The following CKAP5 variants were observed in gnomAD, a reference collection of about 807,000 sequenced individuals.
CKAP5 encodes the protein cytoskeleton associated protein 5.
A neutral mutation model predicts 232.8 loss-of-function variants in CKAP5; 27 were observed. The observed-to-expected ratio is 0.12, with a 90% confidence interval of 0.09 to 0.16. CKAP5 has a LOEUF of 0.16. Among genes scored for constraint, CKAP5 ranks in the 10% least tolerant of loss-of-function variants. The pLI is 1.00. For synonymous variants in CKAP5, 785 were observed against 841.1 expected (o/e 0.93, Z 1.16); for missense variants, 1,838 against 2,424.7 (o/e 0.76, Z 5.08).
rs533842096 is a variant in CKAP5 at position 46,789,624 on chromosome 11, A to G, written c.1875+452T>C. ...ATCCTGGCTAACATGGTGAAACCCC[A>G]TCTCTACTAAAAATCCAAAAAATTA... is the stretch of plus-strand genomic sequence containing the variant. On this transcript the variant is annotated intron_variant, in intron 15 of 43. Coordinates refer to ENST00000529230, the MANE Select transcript of CKAP5 (RefSeq NM_001008938.4). Among the ~76,000 whole-genome samples the G allele has an allele frequency of 2.8e-3, 421 of 151,896 alleles. 2 individuals carry two copies. Among genetic ancestry groups the G allele is most frequent in the African/African-American group, 9.6e-3 (399 of 41,414 alleles).
In CKAP5 at chr11:46,795,755, C is replaced by T. The variant is rs371037159; in HGVS notation, c.1489G>A (p.Val497Ile). 2 of 1,613,588 alleles carry T rather than the reference C, an allele frequency of 1.2e-6. No individual in the cohort carries two copies. Among genetic ancestry groups the T allele is most frequent in the East Asian group, 2.2e-5 (1 of 44,876 alleles). Reference sequence around the variant, plus strand: ...GCTTTCTTACCATGTATCAGTTCTACCTTTTCTGAACATTCTTTGATCTGG... The same window carrying T: ...GCTTTCTTACCATGTATCAGTTCTATCTTTTCTGAACATTCTTTGATCTGG... Reference protein sequence around the residue: ...LDKIKECSEKVELIHGKKAGL... With the variant: ...LDKIKECSEKIELIHGKKAGL... Residue 497 changes from valine (V) to isoleucine (I), a missense_variant, in exon 13 of 44, where the codon GTA (valine) becomes ATA (isoleucine). Around this residue, in one of 6 missense-constraint regions of CKAP5, gnomAD observed 767 missense variants for 954.6 expected, o/e 0.80. Transcript: ENST00000529230.
intron 29 of CKAP5, 125 bp downstream of exon 29, chr11:46,763,356 A>T: frequency 1.0e-6 from 1 of 1,004,810 alleles, no homozygotes; most frequent in Admixed American, 3.0e-5. Context: ...AAATAACAAG[A>T]CAGCTCTAAA....
intron 1 of CKAP5, chr11:46,826,841 C>G (rs1939667094): frequency 6.4e-6 from 1 of 155,532 alleles, no homozygotes; most frequent in African/African-American, 2.4e-5. Flanking sequence ...GCGGCGGCGG[C>G]GGCAGCAGCA....
intron 27 of CKAP5, among the ~76,000 whole-genome samples, chr11:46,765,957 A>G (rs543472353): frequency 6.6e-6 from 1 of 152,306 alleles, no homozygotes; most frequent in African/African-American, 2.4e-5. Context: ...ATCTCTTATC[A>G]TAACAGTGTA....
intron 1 of CKAP5, among the ~76,000 whole-genome samples, chr11:46,844,238 G>A (rs951919256): frequency 1.5e-4 from 23 of 150,448 alleles, no homozygotes; most frequent in African/African-American, 5.4e-4. Flanking sequence ...AAAAAAAAAG[G>A]AAAAGAAAGT....
intron 21 of CKAP5, 47 bp from the exon 22 acceptor site, chr11:46,778,360 TG>T: frequency 6.2e-7 from 1 of 1,601,484 alleles, no homozygotes; most frequent in Non-Finnish European, 8.5e-7. Context: ...AAAAAAATGA[TG>T]ATATCACGTT....
At chr11:46,782,712 A>G (rs2065354662) in intron 18 of CKAP5, among the ~76,000 whole-genome samples, 1 of 152,236 alleles carries the variant, frequency 6.6e-6, no homozygotes, top group African/African-American at 2.4e-5. Flanking sequence ...CTTAGTCCTC[A>G]TCTATAAGAT....
chr11:46,830,470 ATAGAG>A (rs1939764428), intron 1 of CKAP5, among the ~76,000 whole-genome samples: 1 of 149,686 alleles, frequency 6.7e-6, no homozygotes, highest in Admixed American at 6.7e-5. Context: ...AAAAATTAGA[ATAGAG>A]TAGAGAAAGA....
chr11:46,784,431 A>C, intron 17 of CKAP5, 57 bp downstream of exon 17: 1 of 1,403,980 alleles, frequency 7.1e-7, no homozygotes, highest in Admixed American at 2.1e-5. Flanking sequence ...TAGTAAGCTT[A>C]AAGTTTGGGG....
At chr11:46,777,844 A>C (rs914854355) in intron 22 of CKAP5, among the ~76,000 whole-genome samples, 5 of 152,250 alleles carry the variant, frequency 3.3e-5, no homozygotes, top group African/African-American at 1.2e-4. Flanking sequence ...ATAAAAATCC[A>C]CATTTAAAAA....
chr11:46,816,181 C>G lies in CKAP5; in HGVS notation c.458+17G>C. ...GGGACTGCTGCTCTAGTTAACAAAGCTAAAACAAAGTCTTACCTTAAGGCT... is the reference window on the plus strand; with the variant it reads ...GGGACTGCTGCTCTAGTTAACAAAGGTAAAACAAAGTCTTACCTTAAGGCT... On this transcript the variant is annotated intron_variant, in intron 4 of 43. Coordinates refer to ENST00000529230, the MANE Select transcript of CKAP5 (RefSeq NM_001008938.4). The G allele has an allele frequency of 6.2e-7, 1 of 1,604,020 alleles. No individual in the cohort carries two copies. Among genetic ancestry groups the G allele is most frequent in the South Asian group, 1.1e-5 (1 of 90,514 alleles).
In CKAP5 at chr11:46,772,369, G is replaced by T. The variant is rs1259708172; in HGVS notation, c.2992-1387C>A. On this transcript the variant is annotated intron_variant, in intron 24 of 43. Coordinates refer to ENST00000529230, the MANE Select transcript of CKAP5 (RefSeq NM_001008938.4). The stretch of plus-strand genomic sequence containing the variant: ...ATTATGGTTTTGGTTTTAAGTCTAA[G>T]AATTCTTTGCCAGCCTCCCATCCTG... Among the ~76,000 whole-genome samples the T allele has an allele frequency of 2.0e-5, 3 of 152,130 alleles. No individual in the cohort carries two copies. The East Asian group carries it at 5.8e-4, about 29-fold the overall frequency.
chr11:46,808,794 A>G (rs1397336965), intron 7 of CKAP5, among the ~76,000 whole-genome samples: 1 of 152,200 alleles, frequency 6.6e-6, no homozygotes, highest in Non-Finnish European at 1.5e-5. Flanking sequence ...CAATTACAGG[A>G]GAGGAATTTC....
chr11:46,782,602 G>A (rs1765889264), intron 18 of CKAP5, among the ~76,000 whole-genome samples: 1 of 152,136 alleles, frequency 6.6e-6, no homozygotes, highest in Non-Finnish European at 1.5e-5. Context: ...TAGTATAGCA[G>A]CTACATCATT....
chr11:46,792,698 G>A (rs1053624602), intron 13 of CKAP5, among the ~76,000 whole-genome samples: 16 of 152,204 alleles, frequency 1.1e-4, no homozygotes, highest in African/African-American at 3.6e-4. Flanking sequence ...ATAGAAGGAG[G>A]TTGCTCCCAG....
Position 46,744,044 on chromosome 11 carries a change from T to C in CKAP5, c.6078A>G (p.Arg2026=). The C allele has an allele frequency of 3.1e-6, 5 of 1,613,164 alleles. No individual in the cohort carries two copies. Among genetic ancestry groups the C allele is most frequent in the Non-Finnish European group, 4.2e-6 (5 of 1,180,018 alleles). ...NIDDLKKRLE[R]IKSSRK ...AGCTTCATTTGCGACTGCTCTTTAT[T>C]CTCTCCAGTCTTTTTTTCAAGTCGT... The change falls in exon 44 of 44, where the codon AGA becomes AGG. Residue 2026 remains arginine (R), a synonymous_variant. Transcript: ENST00000529230.
At chr11:46,807,187 G>A (rs1442615803) in intron 8 of CKAP5, among the ~76,000 whole-genome samples, 1 of 152,170 alleles carries the variant, frequency 6.6e-6, no homozygotes, top group Non-Finnish European at 1.5e-5. Flanking sequence ...ACAAAGTTAT[G>A]TACTGATTGA....
intron 42 of CKAP5, among the ~76,000 whole-genome samples, chr11:46,745,669 C>T (rs1328096848): frequency 2.0e-5 from 3 of 152,064 alleles, no homozygotes; most frequent in Non-Finnish European, 4.4e-5. Flanking sequence ...AAAAAGAGAC[C>T]CTGGCTGGGC....
intron 24 of CKAP5, among the ~76,000 whole-genome samples, chr11:46,773,250 C>G (rs894073126): frequency 1.0e-4 from 15 of 150,280 alleles, no homozygotes; most frequent in Admixed American, 8.6e-4. Context: ...TTTGAATGTT[C>G]TATTTTTTTT....
Sources: gnomAD v4.1 joint callset for allele counts (sites outside exome capture counted in the v4.1 genomes callset) on GRCh38, gnomAD v4.1.1 for gene constraint, gnomAD v4.1.1 regional missense constraint, MANE v1.5 for transcripts, NCBI Gene and HGNC (gene_info 2026-07-23, HGNC 2026-07-21) for gene names.